Variants in MTG1 observed in about 807,000 individuals in gnomAD.
MTG1 encodes the protein mitochondrial ribosome associated GTPase 1.
Under a neutral mutation model 39.5 loss-of-function variants are expected in MTG1, and 30 were observed. The observed-to-expected ratio is 0.76, with a 90% confidence interval of 0.57 to 1.03. MTG1 has a LOEUF of 1.03. Among genes scored for constraint, MTG1 ranks in the 50% least tolerant of loss-of-function variants. The pLI is 0.00. For missense variants in MTG1, 513 were observed against 447.4 expected, an observed-to-expected ratio of 1.15 and a Z score of -1.32; for synonymous variants, 217 against 179.0, an observed-to-expected ratio of 1.21 and a Z score of -1.69.
intron 6 of MTG1, among the ~76,000 whole-genome samples, chr10:133,400,282 G>T (rs1849855778): frequency 6.6e-6 from 1 of 152,258 alleles, no homozygotes; most frequent in African/African-American, 2.4e-5. Context: ...ATCAGGCAGG[G>T]AGGCTGCAAG....
At chr10:133,394,774 C>T in intron 1 of MTG1, 3 of 977,880 alleles carry the variant, frequency 3.1e-6, no homozygotes, top group Non-Finnish European at 1.2e-6. Flanking sequence ...TTGAGTCGTT[C>T]TCCTGCTTAA....
chr10:133,406,427 G>C (rs752990788), intron 9 of MTG1, among the ~76,000 whole-genome samples: 58 of 152,180 alleles, frequency 3.8e-4, no homozygotes, highest in Non-Finnish European at 7.4e-4. Flanking sequence ...AAGTAGCTGG[G>C]ATTATAGGCA....
intron 3 of MTG1, 86 bp from the exon 4 acceptor site, chr10:133,398,349 G>A (rs755825874): frequency 3.2e-4 from 438 of 1,354,496 alleles, no homozygotes; most frequent in Non-Finnish European, 4.4e-4. Flanking sequence ...GCAGGGAGCC[G>A]AGATTGTGCT....
intron 9 of MTG1, among the ~76,000 whole-genome samples, chr10:133,408,807 C>T (rs997218293): frequency 5.3e-5 from 8 of 152,154 alleles, no homozygotes; most frequent in African/African-American, 4.8e-5. Context: ...TCATCCCTTT[C>T]GTCTGGGTTT....
chr10:133,396,016 A>G (rs1017836645), intron 2 of MTG1, 147 bp from the exon 3 acceptor site: 1 of 840,884 alleles, frequency 1.2e-6, no homozygotes, highest in African/African-American at 1.7e-5. Context: ...GGGCTATGAA[A>G]CTGTTTAAAT....
At chr10:133,405,032 CTT>C (rs1400774444) in intron 9 of MTG1, among the ~76,000 whole-genome samples, 1 of 152,172 alleles carries the variant, frequency 6.6e-6, no homozygotes, top group Admixed American at 6.5e-5. Context: ...TTTTCAGTCA[CTT>C]TGTCAGTTTC....
At chr10:133,408,246 C>A (rs1283129732) in intron 9 of MTG1, among the ~76,000 whole-genome samples, 1 of 152,174 alleles carries the variant, frequency 6.6e-6, no homozygotes, top group African/African-American at 2.4e-5. Context: ...CTTCTATACT[C>A]AGTTTGCTGA....
At chr10:133,396,756 A>G (rs948199326) in intron 3 of MTG1, among the ~76,000 whole-genome samples, 2 of 152,192 alleles carry the variant, frequency 1.3e-5, no homozygotes, top group African/African-American at 2.4e-5. Flanking sequence ...TAACCTAGGA[A>G]AAACCAGGCC....
rs778740109 is a variant in MTG1 at position 133,420,053 on chromosome 10, A to C, written c.893A>C (p.Tyr298Ser). 2 of 1,612,948 alleles carry C rather than the reference A, an allele frequency of 1.2e-6. No individual in the cohort carries two copies. Among genetic ancestry groups the C allele is most frequent in the South Asian group, 2.2e-5 (2 of 90,976 alleles). Residue 298 changes from tyrosine (Y) to serine (S), a missense_variant, in exon 11 of 11, where the codon TAT becomes TCT. By Grantham distance (144) the Tyr-to-Ser change is moderately radical. Transcript: ENST00000317502. Reference sequence around the variant, plus strand: ...AACGTGAACATTATTCAGCCTAACTATCCTGCGGCAGCCCGTGACTTCCTG... The same window carrying C: ...AACGTGAACATTATTCAGCCTAACTCTCCTGCGGCAGCCCGTGACTTCCTG... ...TGNVNIIQPN[Y>S]PAAARDFLQT... is the part of the protein sequence containing the mutation.
chr10:133,402,923 C>T lies in MTG1; in HGVS notation c.752+150C>T, dbSNP rs1329691272. On this transcript the variant is annotated intron_variant, in intron 9 of 10. Transcript: ENST00000317502. The surrounding 1 kb of genome is among the most constrained non-coding windows in gnomAD (Gnocchi z 4.7). The stretch of plus-strand genomic sequence containing the variant: ...TTTAAAGCGTCCAGTTGGACAAGTT[C>T]GGGAGTATGGCTATACGTCTGTGAA... The T allele has an allele frequency of 2.1e-5, 13 of 622,116 alleles. No individual in the cohort carries two copies. Among genetic ancestry groups the T allele is most frequent in the Admixed American group, 5.8e-5 (2 of 34,232 alleles). 38.5% of individuals were successfully genotyped at this position (622,116 alleles called of 1,614,324 possible).
At chr10:133,394,432 T>C (rs10160083) in intron 1 of MTG1, 100 bp downstream of exon 1, 1,340,757 of 1,343,306 alleles carry the variant, frequency 1, 669,142 homozygotes, top group East Asian at 1. Context: ...TCCCGGTCGT[T>C]CTGGGCTGGC....
At chr10:133,401,846 A>G in intron 7 of MTG1, 1 of 655,180 alleles carries the variant, frequency 1.5e-6, no homozygotes, top group South Asian at 1.7e-5. Context: ...AGGGCCATGC[A>G]GTGGTCAGGA....
chr10:133,394,434 T>A, intron 1 of MTG1, 102 bp downstream of exon 1: 2 of 1,321,996 alleles, frequency 1.5e-6, no homozygotes, highest in South Asian at 3.3e-5. Context: ...CCGGTCGTTC[T>A]GGGCTGGCCC....
intron 2 of MTG1, 144 bp downstream of exon 2, chr10:133,395,921 G>A (rs943518054): frequency 1.1e-6 from 1 of 888,970 alleles, no homozygotes; most frequent in South Asian, 1.5e-5. Context: ...GGTCCAGACT[G>A]CGTGTCTTTG....
At chr10:133,414,625 C>T (rs552638149) in intron 9 of MTG1, among the ~76,000 whole-genome samples, 17 of 151,380 alleles carry the variant, frequency 1.1e-4, no homozygotes, top group East Asian at 5.9e-4. Context: ...CGGGAAGAGG[C>T]GCTCATCACT....
chr10:133,396,904 C>T (rs969551821), intron 3 of MTG1, among the ~76,000 whole-genome samples: 3 of 152,140 alleles, frequency 2.0e-5, no homozygotes, highest in African/African-American at 4.8e-5. Context: ...GTTGCCAAGC[C>T]GACTGTGGTC....
chr10:133,404,732 G>C (rs1198006243), intron 9 of MTG1, among the ~76,000 whole-genome samples: 2 of 152,186 alleles, frequency 1.3e-5, no homozygotes, highest in African/African-American at 4.8e-5. Flanking sequence ...ACAAGCTGCA[G>C]ATTGAAGTTC....
In MTG1 at chr10:133,402,072, T is replaced by A. The variant is rs1849885693; in HGVS notation, c.574-77T>A. ...CCTCGGAGCATTGGGTGCCAGGGGC[T>A]GCCCAGGCTTCCTGAGTGGCCCACC... On this transcript the variant is annotated intron_variant, in intron 7 of 10. Transcript: ENST00000317502. The surrounding 1 kb of genome is among the most constrained non-coding windows in gnomAD (Gnocchi z 4.7). The A allele has an allele frequency of 1.3e-6, 2 of 1,567,950 alleles. No homozygotes were observed. Among genetic ancestry groups the A allele is most frequent in the Non-Finnish European group, 8.7e-7 (1 of 1,142,872 alleles).
intron 6 of MTG1, 60 bp downstream of exon 6, chr10:133,399,679 T>G (rs1242664455): frequency 6.5e-7 from 1 of 1,533,174 alleles, no homozygotes; most frequent in East Asian, 2.3e-5. Context: ...GCTGATGTGC[T>G]GATGCCACCA....
Sources: allele counts gnomAD v4.1 joint callset (sites outside exome capture counted in the v4.1 genomes callset), GRCh38; gene constraint gnomAD v4.1.1; non-coding constraint Gnocchi (gnomAD v3.1); transcripts MANE v1.5; gene names NCBI Gene and HGNC (gene_info 2026-07-23, HGNC 2026-07-21).